The following EFNA5 variants were observed in gnomAD, a reference collection of about 807,000 sequenced individuals.
EFNA5 encodes the protein ephrin A5, also known as ephrin-A5.
A neutral mutation model predicts 22.9 loss-of-function variants in EFNA5; 5 were observed. That is an observed-to-expected ratio of 0.22 (90% confidence interval 0.11 to 0.46). The LOEUF is 0.46. EFNA5 is among the 20% of genes least tolerant of loss of function. The pLI is 0.99. For missense variants in EFNA5, 237 were observed against 293.3 expected (o/e 0.81, Z 1.40); for synonymous variants, 113 against 112.2 (o/e 1.01, Z -0.04).
intron 1 of EFNA5, among the ~76,000 whole-genome samples, chr5:107,656,651 G>T (rs1026021477): frequency 6.6e-6 from 1 of 152,062 alleles, no homozygotes; most frequent in East Asian, 1.9e-4. Context: ...ATTGAAGTAT[G>T]ATTGACTTTA....
At chr5:107,527,720 A>G (rs79840325) in intron 1 of EFNA5, among the ~76,000 whole-genome samples, 2,023 of 152,304 alleles carry the variant, frequency 0.013, 45 homozygotes, top group African/African-American at 0.046. Context: ...CATGCACATT[A>G]TCTTATTTCA....
rs577781087 is a variant in EFNA5 at position 107,454,536 on chromosome 5, C to T, written c.126-27027G>A. Reference sequence around the variant, plus strand: ...TAAACTTAGACTAAATGGTAATTTACTTCAATTATTATTCCTACATTAGAA... The same window carrying T: ...TAAACTTAGACTAAATGGTAATTTATTTCAATTATTATTCCTACATTAGAA... On this transcript the variant is annotated intron_variant, in intron 1 of 4. Coordinates refer to ENST00000333274, the MANE Select transcript of EFNA5 (RefSeq NM_001962.3). Among the ~76,000 whole-genome samples the T allele has an allele frequency of 2.0e-5, 3 of 152,152 alleles. No homozygotes were observed. The East Asian group carries it at 5.8e-4, about 29-fold the overall frequency.
intron 1 of EFNA5, among the ~76,000 whole-genome samples, chr5:107,594,423 G>T (rs1360744867): frequency 6.6e-6 from 1 of 152,164 alleles, no homozygotes; most frequent in Admixed American, 6.5e-5. Flanking sequence ...GGGGCAGGAG[G>T]AGAGGAAAAA....
intron 1 of EFNA5, among the ~76,000 whole-genome samples, chr5:107,637,021 T>C (rs1315278303): frequency 6.6e-6 from 1 of 152,234 alleles, no homozygotes; most frequent in African/African-American, 2.4e-5. Flanking sequence ...TGCTTTTTGT[T>C]TATTTAATTT....
intron 1 of EFNA5, among the ~76,000 whole-genome samples, chr5:107,641,308 A>G (rs1177644522): frequency 6.6e-6 from 1 of 151,820 alleles, no homozygotes; most frequent in Admixed American, 6.6e-5. Flanking sequence ...CAGTGAGCAG[A>G]GACTGTACCA....
At chr5:107,560,379 A>G (rs1193685132) in intron 1 of EFNA5, among the ~76,000 whole-genome samples, 3 of 152,238 alleles carry the variant, frequency 2.0e-5, no homozygotes, top group South Asian at 2.1e-4. Context: ...TAACTAGTTG[A>G]CAGATGAAAT....
chr5:107,420,593 T>C (rs971075911), intron 2 of EFNA5, among the ~76,000 whole-genome samples: 1 of 150,810 alleles, frequency 6.6e-6, no homozygotes, highest in Non-Finnish European at 1.5e-5. Context: ...CATGTTCCAC[T>C]CTCTGCTTTG....
chr5:107,570,451 G>T (rs1748777258), intron 1 of EFNA5, among the ~76,000 whole-genome samples: 1 of 152,216 alleles, frequency 6.6e-6, no homozygotes, highest in Admixed American at 6.5e-5. Flanking sequence ...TCAGAGGGAA[G>T]TAGCAATGCC....
At chr5:107,456,903 C>T (rs1476786579) in intron 1 of EFNA5, among the ~76,000 whole-genome samples, 1 of 152,112 alleles carries the variant, frequency 6.6e-6, no homozygotes, top group Non-Finnish European at 1.5e-5. Flanking sequence ...ATCTGCACAA[C>T]CCTGAATGTT....
chr5:107,639,376 G>A (rs763473554), intron 1 of EFNA5, among the ~76,000 whole-genome samples: 1 of 152,124 alleles, frequency 6.6e-6, no homozygotes, highest in Admixed American at 6.5e-5. Flanking sequence ...CAACTTCCAC[G>A]GTTCATAATT....
intron 4 of EFNA5, among the ~76,000 whole-genome samples, chr5:107,382,967 T>TA (rs1374121376): frequency 1.3e-5 from 2 of 152,186 alleles, no homozygotes; most frequent in East Asian, 3.8e-4. Context: ...CGTGTCACAA[T>TA]AAGGGTGCTT....
intron 1 of EFNA5, among the ~76,000 whole-genome samples, chr5:107,460,202 G>A (rs1184784923): frequency 6.6e-6 from 1 of 152,078 alleles, no homozygotes; most frequent in African/African-American, 2.4e-5. Flanking sequence ...GTAAAGGCTT[G>A]GAAAGTATCT....
intron 1 of EFNA5, among the ~76,000 whole-genome samples, chr5:107,599,984 C>T (rs1188352796): frequency 6.6e-6 from 1 of 152,180 alleles, no homozygotes; most frequent in East Asian, 1.9e-4. Flanking sequence ...ACCTTCCAAA[C>T]TCAGTAAAAA....
chr5:107,411,737 C>T (rs1456100132), intron 2 of EFNA5, among the ~76,000 whole-genome samples: 1 of 152,076 alleles, frequency 6.6e-6, no homozygotes, highest in Non-Finnish European at 1.5e-5. Flanking sequence ...ATAGGCATGG[C>T]CATCACGCCT....
At chr5:107,395,342 T>G (rs1747894765) in intron 2 of EFNA5, among the ~76,000 whole-genome samples, 1 of 152,096 alleles carries the variant, frequency 6.6e-6, no homozygotes, top group South Asian at 2.1e-4. Context: ...CCTGGCCCAT[T>G]TCTAGTTCTG....
chr5:107,643,470 T>C (rs2112546325), intron 1 of EFNA5, among the ~76,000 whole-genome samples: 1 of 152,230 alleles, frequency 6.6e-6, no homozygotes, highest in Middle Eastern at 3.4e-3. Flanking sequence ...TGATCTGCCA[T>C]CTGCAGCACA....
At chr5:107,422,746 A>C (rs1395124655) in intron 2 of EFNA5, among the ~76,000 whole-genome samples, 1 of 152,102 alleles carries the variant, frequency 6.6e-6, no homozygotes, top group Non-Finnish European at 1.5e-5. Flanking sequence ...GAGACTGTGG[A>C]CTTTTGTCTG....
At chr5:107,576,396 C>G (rs922620724) in intron 1 of EFNA5, among the ~76,000 whole-genome samples, 1 of 152,124 alleles carries the variant, frequency 6.6e-6, no homozygotes, top group African/African-American at 2.4e-5. Flanking sequence ...TTAGGGGGCA[C>G]CATGTTTCCA....
chr5:107,593,586 G>A (rs1749419227), intron 1 of EFNA5, among the ~76,000 whole-genome samples: 1 of 152,158 alleles, frequency 6.6e-6, no homozygotes. Context: ...ACCACCAACA[G>A]TCTGGCCTCA....
Sources: allele counts gnomAD v4.1 joint callset (sites outside exome capture counted in the v4.1 genomes callset), GRCh38; gene constraint gnomAD v4.1.1; transcripts MANE v1.5; gene names NCBI Gene and HGNC (gene_info 2026-07-23, HGNC 2026-07-21).